Variants in PCDH15 observed in about 807,000 individuals in gnomAD.
PCDH15 encodes protocadherin-15.
In PCDH15, 129 loss-of-function variants were observed where a neutral mutation model predicts 178.5. The ratio of observed to expected loss-of-function variants is 0.72; its 90% CI spans 0.63 to 0.84. PCDH15 has a LOEUF of 0.84. PCDH15 is among the 40% of genes least tolerant of loss of function. PCDH15 has a pLI of 0.00. For missense variants in PCDH15, 2,230 were observed against 2,099.9 expected (o/e 1.06, Z -1.21); for synonymous variants, 800 against 732.0 (o/e 1.09, Z -1.50).
intron 1 of PCDH15, among the ~76,000 whole-genome samples, chr10:55,270,162 G>C (rs1201407948): frequency 6.6e-6 from 1 of 151,910 alleles, no homozygotes; most frequent in Admixed American, 6.6e-5. Context: ...TAAGTGCAAG[G>C]CCTCAAATCC....
chr10:55,223,587 C>G (rs1038774281), intron 1 of PCDH15, among the ~76,000 whole-genome samples: 3 of 152,116 alleles, frequency 2.0e-5, no homozygotes, highest in Non-Finnish European at 4.4e-5. Flanking sequence ...AGGAGGTCCT[C>G]TTTTTCCTTT....
chr10:55,205,034 G>A (rs1336874196), intron 1 of PCDH15, among the ~76,000 whole-genome samples: 1 of 151,974 alleles, frequency 6.6e-6, no homozygotes, highest in Non-Finnish European at 1.5e-5. Context: ...CTGGAAGTTG[G>A]TTGAATAAAC....
At chr10:55,133,333 T>C (rs1838104301) in intron 2 of PCDH15, among the ~76,000 whole-genome samples, 9 of 152,134 alleles carry the variant, frequency 5.9e-5, no homozygotes, top group Admixed American at 5.9e-4. Context: ...AAACACTCTT[T>C]CCTCTGAGAA....
intron 9 of PCDH15, among the ~76,000 whole-genome samples, chr10:54,216,410 T>C (rs1002466947): frequency 3.3e-5 from 5 of 152,080 alleles, no homozygotes; most frequent in Admixed American, 1.3e-4. Context: ...TGAGCTGAGA[T>C]TGTGCCACTG....
rs182492215 is a variant in PCDH15 at position 55,178,867 on chromosome 10, C to T, written c.-155-12216G>A. Among the ~76,000 whole-genome samples the T allele has an allele frequency of 5.7e-4, 87 of 152,238 alleles. 2 individuals are homozygous for T. The East Asian group carries it at 0.011, about 20-fold the overall frequency. ...AATGCCCATGGGATTATCTACTCCC[C>T]TAAACAGAAATCTCTTTTCTAAAAT... On this transcript the variant is annotated intron_variant, in intron 1 of 5. Coordinates refer to the PCDH15 transcript ENST00000458638.
At chr10:55,022,855 C>G (rs1372796369) in intron 2 of PCDH15, among the ~76,000 whole-genome samples, 1 of 150,950 alleles carries the variant, frequency 6.6e-6, no homozygotes, top group Non-Finnish European at 1.5e-5. Context: ...GGACTACAGG[C>G]GCCCGCCACC....
intron 8 of PCDH15, among the ~76,000 whole-genome samples, chr10:54,257,933 T>G (rs1244967555): frequency 6.6e-6 from 1 of 152,162 alleles, no homozygotes; most frequent in Non-Finnish European, 1.5e-5. Context: ...TTCACAGTCC[T>G]CTGCATGGGG....
chr10:54,752,476 CAAAAAAAA>C (rs755874514), intron 1 of PCDH15, among the ~76,000 whole-genome samples: 1 of 89,716 alleles, frequency 1.1e-5, no homozygotes, highest in Non-Finnish European at 2.5e-5. Context: ...GACTCCGTCT[CAAAAAAAA>C]AAAAAAACAA....
chr10:55,626,996 TAAA>T, intron 2 of PCDH15, among the ~76,000 whole-genome samples: 1 of 151,800 alleles, frequency 6.6e-6, no homozygotes, highest in South Asian at 2.1e-4. Flanking sequence ...GAAGAGAAGA[TAAA>T]GAAGGAAAGA....
intron 28 of PCDH15, among the ~76,000 whole-genome samples, chr10:53,845,062 C>G (rs1433361868): frequency 4.6e-5 from 7 of 151,768 alleles, no homozygotes; most frequent in African/African-American, 1.7e-4. Context: ...GGCCAAGGAT[C>G]TGAATAGACA....
intron 2 of PCDH15, among the ~76,000 whole-genome samples, chr10:54,643,249 A>T (rs1398255070): frequency 6.6e-6 from 1 of 152,142 alleles, no homozygotes; most frequent in Non-Finnish European, 1.5e-5. Flanking sequence ...ACCTACTCTG[A>T]CATATGTTTT....
chr10:54,749,479 T>C (rs147085574), intron 1 of PCDH15, among the ~76,000 whole-genome samples: 1 of 152,284 alleles, frequency 6.6e-6, no homozygotes, highest in East Asian at 1.9e-4. Flanking sequence ...TGAAATTCTG[T>C]AATATTACAG....
At chr10:54,356,768 G>A (rs191438532) in intron 5 of PCDH15, among the ~76,000 whole-genome samples, 263 of 151,980 alleles carry the variant, frequency 1.7e-3, no homozygotes, top group Admixed American at 0.013. Flanking sequence ...TTCTGTATGG[G>A]GACCTGGAAT....
rs559041336 is a variant in PCDH15 at position 54,667,090 on chromosome 10, T to C, written c.-28-2800A>G. Among the ~76,000 whole-genome samples the C allele has an allele frequency of 3.9e-5, 6 of 152,166 alleles. No homozygotes were observed. The South Asian group carries it at 8.3e-4, about 21-fold the overall frequency. On this transcript the variant is annotated intron_variant, in intron 1 of 37. Coordinates refer to ENST00000644397, the MANE Select transcript of PCDH15 (RefSeq NM_001384140.1). ...ATAAAAAATCTATTTAGAATAGATA[T>C]AGCATTTACTGCCCAGAGGAAGGAG...
intron 2 of PCDH15, among the ~76,000 whole-genome samples, chr10:55,057,999 TTTATC>T (rs1341416232): frequency 6.6e-6 from 1 of 152,144 alleles, no homozygotes; most frequent in Non-Finnish European, 1.5e-5. Context: ...TTTTATTTTA[TTTATC>T]TTAACTACAT....
chr10:55,046,998 A>G (rs1841023271), intron 2 of PCDH15, among the ~76,000 whole-genome samples: 1 of 151,914 alleles, frequency 6.6e-6, no homozygotes, highest in Non-Finnish European at 1.5e-5. Flanking sequence ...TAGTAAAAAC[A>G]TGACAGCTTG....
At chr10:55,130,812 C>T (rs1413377370) in intron 2 of PCDH15, among the ~76,000 whole-genome samples, 4 of 150,572 alleles carry the variant, frequency 2.7e-5, no homozygotes, top group African/African-American at 9.8e-5. Context: ...AATTGATAGC[C>T]CCTTCTGCAT....
Position 53,968,973 on chromosome 10 carries a change from C to T in PCDH15, c.2869-7081G>A, listed in dbSNP as rs143565669. ...TCCTCCAAAGGAACACAGCTCCTCA[C>T]TAGCAATGGAACAAAGCTGGATGGA... On this transcript the variant is annotated intron_variant, in intron 21 of 37. Transcript: ENST00000644397. Among the ~76,000 whole-genome samples, 391 of 152,290 alleles carry T rather than the reference C, an allele frequency of 2.6e-3. 2 individuals are homozygous for T. The highest frequency in any genetic ancestry group is 4.4e-3 in the Non-Finnish European group (302 of 68,024).
intron 3 of PCDH15, among the ~76,000 whole-genome samples, chr10:54,392,948 C>T (rs1254519266): frequency 6.6e-6 from 1 of 151,394 alleles, no homozygotes; most frequent in Non-Finnish European, 1.5e-5. Flanking sequence ...GAAAGCTGCT[C>T]CTCTAGTCAG....
Sources: allele counts gnomAD v4.1 joint callset (sites outside exome capture counted in the v4.1 genomes callset), GRCh38; gene constraint gnomAD v4.1.1; transcripts MANE v1.5; gene names NCBI Gene and HGNC (gene_info 2026-07-23, HGNC 2026-07-21).